The following DPP10 variants were observed in gnomAD, a reference collection of about 807,000 sequenced individuals.
DPP10 encodes inactive dipeptidyl peptidase 10.
A neutral mutation model predicts 120.9 loss-of-function variants in DPP10; 33 were observed. The observed-to-expected ratio is 0.27, with a 90% CI of 0.21 to 0.37. DPP10 has a LOEUF of 0.37. DPP10 is among the 10% of genes least tolerant of loss of function. The probability of loss-of-function intolerance (pLI) is 1.00; values close to 1 mark genes in which losing one functional copy is unlikely to be tolerated. For synonymous variants in DPP10, 337 were observed against 326.1 expected, an observed-to-expected ratio of 1.03 and a Z score of -0.36; for missense variants, 816 against 942.8, an observed-to-expected ratio of 0.87 and a Z score of 1.76.
intron 1 of DPP10, among the ~76,000 whole-genome samples, chr2:114,769,474 T>G (rs923171942): frequency 1.2e-4 from 19 of 152,160 alleles, no homozygotes; most frequent in Non-Finnish European, 2.5e-4. Flanking sequence ...GCTCACTTCA[T>G]AAGGTTGTTT....
chr2:115,536,040 A>G (rs374857277), intron 5 of DPP10, among the ~76,000 whole-genome samples: 1 of 152,060 alleles, frequency 6.6e-6, no homozygotes, highest in African/African-American at 2.4e-5. Context: ...TTCTAGATAT[A>G]CAACAACATA....
intron 1 of DPP10, among the ~76,000 whole-genome samples, chr2:114,467,780 G>T (rs950747889): frequency 2.6e-5 from 4 of 152,094 alleles, no homozygotes; most frequent in Non-Finnish European, 5.9e-5. Flanking sequence ...TGGGTGGATA[G>T]CTTGAGCCCA....
chr2:114,958,921 A>G (rs1380849432), intron 1 of DPP10, among the ~76,000 whole-genome samples: 3 of 152,192 alleles, frequency 2.0e-5, no homozygotes, highest in African/African-American at 7.2e-5. Flanking sequence ...ATTGATGTAG[A>G]TCACTCTATT....
chr2:115,605,457 A>G (rs987537420), intron 5 of DPP10, among the ~76,000 whole-genome samples: 7 of 152,164 alleles, frequency 4.6e-5, no homozygotes, highest in Middle Eastern at 3.4e-3. Context: ...CAGCTTTTTA[A>G]AATATTCTGA....
At chr2:114,475,431 C>T (rs1257196762) in intron 1 of DPP10, among the ~76,000 whole-genome samples, 1 of 152,114 alleles carries the variant, frequency 6.6e-6, no homozygotes, top group African/African-American at 2.4e-5. Flanking sequence ...TGCAAAAATG[C>T]TTTTCAGTCT....
intron 1 of DPP10, among the ~76,000 whole-genome samples, chr2:114,887,020 C>A (rs903686180): frequency 6.6e-6 from 1 of 152,186 alleles, no homozygotes; most frequent in Non-Finnish European, 1.5e-5. Context: ...TTGCCATCCA[C>A]TGTAGTCTTT....
At chr2:114,661,338 A>C (rs1357764027) in intron 1 of DPP10, among the ~76,000 whole-genome samples, 1 of 152,212 alleles carries the variant, frequency 6.6e-6, no homozygotes, top group African/African-American at 2.4e-5. Flanking sequence ...TTCTCTTAGC[A>C]AATTTGGTTT....
intron 1 of DPP10, among the ~76,000 whole-genome samples, chr2:114,578,834 ATT>A (rs1258991407): frequency 6.6e-6 from 1 of 152,100 alleles, no homozygotes; most frequent in Non-Finnish European, 1.5e-5. Context: ...TTTATTATTT[ATT>A]TTGCAGAAAA....
intron 3 of DPP10, among the ~76,000 whole-genome samples, chr2:115,371,531 T>C (rs892161379): frequency 2.0e-5 from 3 of 152,190 alleles, no homozygotes; most frequent in Non-Finnish European, 4.4e-5. Flanking sequence ...CAATGCTGTA[T>C]ATTGATTGTT....
intron 1 of DPP10, among the ~76,000 whole-genome samples, chr2:114,695,230 C>T (rs1006919269): frequency 2.1e-4 from 32 of 151,722 alleles, no homozygotes; most frequent in South Asian, 2.1e-4. Context: ...GTGAAATGGG[C>T]GATTATGAAA....
In DPP10 at chr2:115,001,573, G is replaced by T. The variant is rs142721031; in HGVS notation, c.61-307666G>T. On this transcript the variant is annotated intron_variant, in intron 1 of 25. Transcript: ENST00000410059. ...AATCAGGCAAGAGAAAGAAATAAAA[G>T]GTATCCAAATAGGAAGAGAGGAAGT... is the stretch of plus-strand genomic sequence containing the variant. Among the ~76,000 whole-genome samples, 299 of 152,168 alleles carry T rather than the reference G, an allele frequency of 2.0e-3. 1 individual carries two copies. The highest frequency in any genetic ancestry group is 2.1e-3 in the South Asian group (10 of 4,816).
Position 114,876,973 on chromosome 2 carries a change from C to G in DPP10, c.61-432266C>G, listed in dbSNP as rs181274864. On this transcript the variant is annotated intron_variant, in intron 1 of 25. Coordinates refer to ENST00000410059, the MANE Select transcript of DPP10 (RefSeq NM_020868.6). Reference sequence around the variant, plus strand: ...CTTGTCATCAGGTTAATTTGCTATTCAAATATAATTCTAAGTTTTAAAAAA... The same window carrying G: ...CTTGTCATCAGGTTAATTTGCTATTGAAATATAATTCTAAGTTTTAAAAAA... 9.2e-5 allele frequency among the ~76,000 whole-genome samples: 14 copies of G among 151,940 alleles called. No homozygotes were observed. The East Asian group carries it at 2.7e-3, about 29-fold the overall frequency.
intron 5 of DPP10, among the ~76,000 whole-genome samples, chr2:115,616,017 T>G (rs1011805823): frequency 6.6e-6 from 1 of 152,186 alleles, no homozygotes; most frequent in Non-Finnish European, 1.5e-5. Flanking sequence ...TCAGATTTGC[T>G]TAAATTCAAT....
chr2:115,810,571 G>T lies in DPP10; in HGVS notation c.1701-4222G>T, dbSNP rs543039347. Among the ~76,000 whole-genome samples the T allele has an allele frequency of 2.0e-5, 3 of 152,216 alleles. No homozygotes were observed. The South Asian group carries it at 6.2e-4, about 32-fold the overall frequency. ...CATACAGACACATTCAGTGTTGAAG[G>T]TATTGAAAGAGATGAGGATTCTGCC... On this transcript the variant is annotated intron_variant, in intron 19 of 25. Coordinates refer to ENST00000410059, the MANE Select transcript of DPP10 (RefSeq NM_020868.6).
intron 1 of DPP10, among the ~76,000 whole-genome samples, chr2:114,629,850 TAAAA>T (rs1054804945): frequency 6.6e-6 from 1 of 151,792 alleles, no homozygotes; most frequent in Non-Finnish European, 1.5e-5. Flanking sequence ...ATATTCAAAA[TAAAA>T]AAAACCCTCA....
At chr2:115,366,225 T>A (rs2065068673) in intron 3 of DPP10, among the ~76,000 whole-genome samples, 2 of 151,962 alleles carry the variant, frequency 1.3e-5, no homozygotes, top group Admixed American at 1.3e-4. Flanking sequence ...ATCTAGCACC[T>A]CATTCCTGAA....
chr2:114,902,294 G>A (rs1006639820), intron 1 of DPP10, among the ~76,000 whole-genome samples: 3 of 152,004 alleles, frequency 2.0e-5, no homozygotes, highest in East Asian at 1.9e-4. Flanking sequence ...TTTTTCAAAT[G>A]GATGTCTAAT....
At chr2:115,673,802 G>C (rs2090080057) in intron 5 of DPP10, among the ~76,000 whole-genome samples, 1 of 152,204 alleles carries the variant, frequency 6.6e-6, no homozygotes, top group Admixed American at 6.5e-5. Context: ...CTTATCTATA[G>C]TCTGAACTAA....
intron 1 of DPP10, among the ~76,000 whole-genome samples, chr2:114,684,670 C>T (rs1320442762): frequency 2.6e-5 from 4 of 151,880 alleles, no homozygotes; most frequent in East Asian, 1.9e-4. Flanking sequence ...CACATTTTGC[C>T]GGATGAGTCT....
Sources: allele counts gnomAD v4.1 joint callset (sites outside exome capture counted in the v4.1 genomes callset), GRCh38; gene constraint gnomAD v4.1.1; transcripts MANE v1.5; gene names NCBI Gene and HGNC (gene_info 2026-07-23, HGNC 2026-07-21).